The following SS18 variants were observed in gnomAD, a reference collection of about 807,000 sequenced individuals.
SS18 encodes the protein protein SSXT.
Under a neutral mutation model 72.5 loss-of-function variants are expected in SS18, and 28 were observed. The observed-to-expected ratio is 0.39, with a 90% CI of 0.29 to 0.53. The LOEUF (loss-of-function observed/expected upper bound fraction) is 0.53, where lower values mean the gene tolerates loss of function less well. Among genes scored for constraint, SS18 ranks in the 20% least tolerant of loss-of-function variants. The pLI, the probability that SS18 is intolerant of heterozygous loss-of-function variation, is 0.76. For synonymous variants in SS18, 172 were observed against 164.2 expected, an observed-to-expected ratio of 1.05 and a Z score of -0.37; for missense variants, 518 against 535.3, an observed-to-expected ratio of 0.97 and a Z score of 0.32.
chr18:26,087,473 TA>T (rs535750135), intron 2 of SS18, 27 bp downstream of exon 2: 358 of 1,369,392 alleles, frequency 2.6e-4, no homozygotes, highest in African/African-American at 3.4e-4. Flanking sequence ...AAAAACTGAA[TA>T]AAAAAAAAGT....
chr18:26,057,626 T>A lies in SS18; in HGVS notation c.348A>T (p.Ala116=), dbSNP rs1306280517. 2 of 1,613,944 alleles carry A rather than the reference T, an allele frequency of 1.2e-6. No homozygotes were observed. Among genetic ancestry groups the A allele is most frequent in the African/African-American group, 2.7e-5 (2 of 74,896 alleles). The change falls in exon 4 of 11, where the codon GCA becomes GCT. Residue 116 remains alanine (A), a synonymous_variant. Coordinates refer to ENST00000415083, the MANE Select transcript of SS18 (RefSeq NM_001007559.3). ...SDGMVGGGPP[A]PHMQNQMNGQ... is the part of the protein sequence containing the mutation. Reference sequence around the variant, plus strand: ...CGTTCATCTGGTTCTGCATGTGCGGTGCAGGAGGACCCCCACCTACCATTC... The same window carrying A: ...CGTTCATCTGGTTCTGCATGTGCGGAGCAGGAGGACCCCCACCTACCATTC...
intron 3 of SS18, among the ~76,000 whole-genome samples, chr18:26,075,201 A>T (rs1006675510): frequency 1.3e-5 from 2 of 151,972 alleles, no homozygotes; most frequent in Non-Finnish European, 2.9e-5. Flanking sequence ...GAAAAAGTAG[A>T]AAATTCTCCA....
chr18:26,068,163 G>A (rs900892844), intron 3 of SS18: 1 of 152,040 alleles, frequency 6.6e-6, no homozygotes, highest in Non-Finnish European at 1.5e-5. Flanking sequence ...CCTGAAATAA[G>A]ACAACATTAT....
intron 5 of SS18, among the ~76,000 whole-genome samples, chr18:26,047,973 A>G (rs1167225114): frequency 6.6e-6 from 1 of 152,220 alleles, no homozygotes; most frequent in African/African-American, 2.4e-5. Flanking sequence ...TAACAGACAA[A>G]CCACAGAATA....
In SS18 at chr18:26,035,298, A is replaced by G. The variant is rs181853508; in HGVS notation, c.974-171T>C. On this transcript the variant is annotated intron_variant, in intron 8 of 10. Transcript: ENST00000415083. The surrounding 1 kb of genome is among the most constrained non-coding windows in gnomAD (Gnocchi z 4.4). The stretch of plus-strand genomic sequence containing the variant: ...AAACCAAACAGAAGGATTTCGGCCA[A>G]ACAAACTGCAGTTAAAGCCAATTTT... 16 of 858,748 alleles carry G rather than the reference A, an allele frequency of 1.9e-5. No homozygotes were observed. In the Admixed American group the frequency reaches 3.2e-4, roughly 17 times the overall value. 53.2% of individuals were successfully genotyped at this position (858,748 alleles called of 1,614,324 possible).
Position 26,035,380 on chromosome 18 carries a change from G to T in SS18, c.974-253C>A. The T allele has an allele frequency of 2.3e-6, 1 of 430,306 alleles. No homozygotes were observed. The highest frequency in any genetic ancestry group is 4.3e-6 in the Non-Finnish European group (1 of 233,928). The allele number at this position is 430,306 out of a possible 1,614,324, so 26.7% of individuals were successfully genotyped here. A position where few individuals can be genotyped will look rare whatever the true frequency, so the allele number is the denominator to read the frequency against. ...CTGCCATACGAGCATTACATTTACT[G>T]GAACATCACAGTCATAAGATCATGA... is the stretch of plus-strand genomic sequence containing the variant. On this transcript the variant is annotated intron_variant, in intron 8 of 10. Coordinates refer to ENST00000415083, the MANE Select transcript of SS18 (RefSeq NM_001007559.3). The surrounding 1 kb of genome is among the most constrained non-coding windows in gnomAD (Gnocchi z 4.4).
intron 6 of SS18, 80 bp from the exon 7 acceptor site, chr18:26,038,739 G>T: frequency 7.8e-7 from 1 of 1,288,502 alleles, no homozygotes; most frequent in Middle Eastern, 1.9e-4. Context: ...TTGATATTAT[G>T]AAAGATTATT....
rs1286298698 is a variant in SS18, at chr18:26,032,336, A to C, written c.1230+63T>G. On this transcript the variant is annotated intron_variant, in intron 10 of 10. Transcript: ENST00000415083. ...TTCAAGTTAAATAAATTTTAAAAAAAAGTTCACCTAATCGAGAGTGAAGAA... is the reference window on the plus strand; with the variant it reads ...TTCAAGTTAAATAAATTTTAAAAAACAGTTCACCTAATCGAGAGTGAAGAA... The C allele has an allele frequency of 2.5e-6, 4 of 1,575,732 alleles. No homozygotes were observed. In the East Asian group the frequency reaches 9.0e-5, roughly 35 times the overall value.
At chr18:26,041,665 CTCT>C (rs2053726783) in intron 5 of SS18, among the ~76,000 whole-genome samples, 1 of 151,868 alleles carries the variant, frequency 6.6e-6, no homozygotes, top group African/African-American at 2.4e-5. Context: ...GTCTAAAGAC[CTCT>C]TGTCTTAACA....
chr18:26,078,188 T>C (rs1425389057), intron 2 of SS18, 28 bp from the exon 3 acceptor site: 1 of 1,537,350 alleles, frequency 6.5e-7, no homozygotes, highest in Non-Finnish European at 8.9e-7. Context: ...GTATCAGTAT[T>C]AAAAAATAAT....
intron 5 of SS18, among the ~76,000 whole-genome samples, chr18:26,043,552 T>C (rs1367749386): frequency 6.6e-6 from 1 of 152,180 alleles, no homozygotes; most frequent in Non-Finnish European, 1.5e-5. Flanking sequence ...AATCCCTGTA[T>C]TCCAAAAAAC....
rs141389619 is a variant in SS18, at chr18:26,032,305, T to C, written c.1230+94A>G. ...TAAACATTCCCTCATGAGGGAAACA[T>C]GAGGCTTCAAGTTAAATAAATTTTA... is the stretch of plus-strand genomic sequence containing the variant. On this transcript the variant is annotated intron_variant, in intron 10 of 10. Coordinates refer to ENST00000415083, the MANE Select transcript of SS18 (RefSeq NM_001007559.3). 3,428 of 1,437,532 alleles carry C rather than the reference T, an allele frequency of 2.4e-3. 143 individuals are homozygous for C. In the Admixed American group the frequency reaches 0.061, roughly 26 times the overall value. 89.0% of individuals were successfully genotyped at this position (1,437,532 alleles called of 1,614,324 possible).
intron 2 of SS18, among the ~76,000 whole-genome samples, chr18:26,085,221 G>A (rs2054595980): frequency 6.6e-6 from 1 of 152,128 alleles, no homozygotes; most frequent in Admixed American, 6.5e-5. Context: ...GCGTTAAGTA[G>A]AAACAGTTAT....
chr18:26,060,228 C>CTTA (rs2054094878), intron 3 of SS18, among the ~76,000 whole-genome samples: 2 of 152,176 alleles, frequency 1.3e-5, no homozygotes, highest in Non-Finnish European at 2.9e-5. Context: ...AGAAGAAATA[C>CTTA]TTATACATGC....
intron 5 of SS18, 149 bp from the exon 6 acceptor site, chr18:26,039,605 G>T: frequency 1.4e-6 from 1 of 725,378 alleles, no homozygotes; most frequent in Non-Finnish European, 2.0e-6. Context: ...ATAAGTCTTT[G>T]AATTAAAATT....
Position 26,023,070 on chromosome 18 carries a change from G to T in SS18, c.1231-4690C>A, listed in dbSNP as rs142059767. 2.2e-3 allele frequency among the ~76,000 whole-genome samples: 334 copies of T among 152,188 alleles called. 1 individual carries two copies. Among genetic ancestry groups the T allele is most frequent in the Non-Finnish European group, 2.3e-3 (158 of 68,004 alleles). On this transcript the variant is annotated intron_variant, in intron 10 of 10. Coordinates refer to ENST00000415083, the MANE Select transcript of SS18 (RefSeq NM_001007559.3). ...GTAACTTATTAAACTGAATCCCAAA[G>T]CAAAGCTTAAGAATATCTCTAGGTA... is the stretch of plus-strand genomic sequence containing the variant.
At chr18:26,074,268 AAATGT>A (rs1035022364) in intron 3 of SS18, among the ~76,000 whole-genome samples, 8 of 152,024 alleles carry the variant, frequency 5.3e-5, no homozygotes, top group African/African-American at 1.9e-4. Context: ...AGAGTAAGAA[AAATGT>A]AATGATACAA....
chr18:26,089,251 G>A (rs1287455262), intron 1 of SS18, among the ~76,000 whole-genome samples: 2 of 152,096 alleles, frequency 1.3e-5, no homozygotes, highest in African/African-American at 4.8e-5. Flanking sequence ...CTTTTCCTGT[G>A]TACAAAAATA....
At chr18:26,067,344 A>C (rs946473795) in intron 3 of SS18, among the ~76,000 whole-genome samples, 1 of 152,240 alleles carries the variant, frequency 6.6e-6, no homozygotes, top group African/African-American at 2.4e-5. Flanking sequence ...GACTAAGAGA[A>C]CTAAGTGTTT....
Sources: allele counts gnomAD v4.1 joint callset (sites outside exome capture counted in the v4.1 genomes callset), GRCh38; gene constraint gnomAD v4.1.1; non-coding constraint Gnocchi (gnomAD v3.1); transcripts MANE v1.5; gene names NCBI Gene and HGNC (gene_info 2026-07-23, HGNC 2026-07-21).